Variants in LINGO2 observed in about 807,000 individuals in gnomAD.
LINGO2 encodes the protein leucine-rich repeat and immunoglobulin-like domain-containing nogo receptor-interacting protein 2.
A neutral mutation model predicts 30.6 loss-of-function variants in LINGO2; 14 were observed. That is an observed-to-expected ratio of 0.46 (90% CI 0.30 to 0.72). LINGO2 has a LOEUF of 0.72. Ranked by LOEUF, LINGO2 falls within the 30% of genes least tolerant of loss-of-function variation. The pLI, the probability that LINGO2 is intolerant of heterozygous loss-of-function variation, is 0.07. For missense variants in LINGO2, 729 were observed against 751.7 expected (o/e 0.97, Z 0.35); for synonymous variants, 317 against 288.5 (o/e 1.10, Z -1.00).
rs114403636 is a variant in LINGO2, at chr9:28,067,466, A to G, written c.-86-55061T>C. ...CAAAAAGTTCAGATTTTTGTGCTTT[A>G]ATGGAAGAGTTCCATATCTGGAGTT... On this transcript the variant is annotated intron_variant, in intron 4 of 5. Transcript: ENST00000379992. Among the ~76,000 whole-genome samples, 817 of 152,310 alleles carry G rather than the reference A, an allele frequency of 5.4e-3. 16 individuals are homozygous for G. Among genetic ancestry groups the G allele is most frequent in the South Asian group, 0.051 (244 of 4,826 alleles).
intron 4 of LINGO2, among the ~76,000 whole-genome samples, chr9:28,216,290 G>T (rs929616353): frequency 1.2e-4 from 18 of 151,892 alleles, no homozygotes; most frequent in African/African-American, 4.3e-4. Context: ...TTTCAACTAG[G>T]ATAAAATTTT....
intron 4 of LINGO2, among the ~76,000 whole-genome samples, chr9:28,267,902 A>T (rs770130721): frequency 6.6e-6 from 1 of 152,030 alleles, no homozygotes; most frequent in African/African-American, 2.4e-5. Flanking sequence ...AAAGCTACAT[A>T]TTAATCTCTC....
intron 3 of LINGO2, among the ~76,000 whole-genome samples, chr9:28,360,170 A>C (rs1820384420): frequency 6.6e-6 from 1 of 152,140 alleles, no homozygotes; most frequent in Non-Finnish European, 1.5e-5. Context: ...ACTGCATATA[A>C]TGTATTATTT....
chr9:27,952,429 T>C (rs1819360688), intron 5 of LINGO2, among the ~76,000 whole-genome samples: 1 of 151,936 alleles, frequency 6.6e-6, no homozygotes, highest in Non-Finnish European at 1.5e-5. Context: ...AGAATAATGT[T>C]TTAAGCTTGA....
At chr9:27,996,306 T>A (rs1048589701) in intron 5 of LINGO2, among the ~76,000 whole-genome samples, 36 of 152,056 alleles carry the variant, frequency 2.4e-4, no homozygotes, top group African/African-American at 8.7e-4. Flanking sequence ...AGAAAGAAAA[T>A]CAATGTTTTA....
chr9:28,961,955 G>A, the LINGO2 span, among the ~76,000 whole-genome samples: 22 of 152,060 alleles, frequency 1.4e-4, no homozygotes, highest in Non-Finnish European at 2.5e-4. Flanking sequence ...TGCTATGCCT[G>A]TATCATAACC....
At chr9:29,049,147 T>C in the LINGO2 span, among the ~76,000 whole-genome samples, 1 of 152,094 alleles carries the variant, frequency 6.6e-6, no homozygotes, top group Non-Finnish European at 1.5e-5. Flanking sequence ...CAATAAAAAA[T>C]AGGCAACAGA....
intron 1 of LINGO2, among the ~76,000 whole-genome samples, chr9:28,540,462 A>G (rs1821640651): frequency 6.6e-6 from 1 of 151,958 alleles, no homozygotes; most frequent in African/African-American, 2.4e-5. Context: ...GGGTTTCATT[A>G]TGTTGGCTAG....
intron 4 of LINGO2, among the ~76,000 whole-genome samples, chr9:28,087,720 C>T (rs1036888013): frequency 2.0e-5 from 3 of 151,998 alleles, no homozygotes; most frequent in Non-Finnish European, 4.4e-5. Context: ...GAGCCAAGTA[C>T]ACCAGTGGCC....
the LINGO2 span, among the ~76,000 whole-genome samples, chr9:28,959,612 T>TCTCACACACACACACACACA: frequency 9.1e-5 from 12 of 132,222 alleles, no homozygotes; most frequent in African/African-American, 3.9e-4. Flanking sequence ...TCTCTCTCCC[T>TCTCACACACACACACACACA]CACACACACA....
At chr9:28,311,325 C>G (rs1355094482) in intron 3 of LINGO2, among the ~76,000 whole-genome samples, 1 of 152,018 alleles carries the variant, frequency 6.6e-6, no homozygotes, top group Non-Finnish European at 1.5e-5. Flanking sequence ...AAGTTTTGGG[C>G]ACACATTGTC....
intron 1 of LINGO2, among the ~76,000 whole-genome samples, chr9:28,668,099 A>C (rs1391529096): frequency 6.6e-6 from 1 of 152,164 alleles, no homozygotes; most frequent in Non-Finnish European, 1.5e-5. Flanking sequence ...TTTAGAATTG[A>C]GAAAATAATC....
chr9:28,038,500 C>T (rs375668020), intron 4 of LINGO2, among the ~76,000 whole-genome samples: 1 of 151,964 alleles, frequency 6.6e-6, no homozygotes, highest in Non-Finnish European at 1.5e-5. Context: ...GAGACCATCC[C>T]GGCTAAAACG....
At chr9:28,848,809 G>A in the LINGO2 span, among the ~76,000 whole-genome samples, 5 of 151,802 alleles carry the variant, frequency 3.3e-5, no homozygotes, top group African/African-American at 9.7e-5. Context: ...TTTAAATACA[G>A]CTGTTGAAAC....
the LINGO2 span, among the ~76,000 whole-genome samples, chr9:29,019,747 G>A: frequency 6.6e-6 from 1 of 152,022 alleles, no homozygotes; most frequent in Non-Finnish European, 1.5e-5. Flanking sequence ...ATGCCTTCTG[G>A]AATACAAGAA....
At chr9:28,573,353 A>G (rs1823799065) in intron 1 of LINGO2, among the ~76,000 whole-genome samples, 1 of 152,192 alleles carries the variant, frequency 6.6e-6, no homozygotes, top group Non-Finnish European at 1.5e-5. Context: ...CTAATTGCAT[A>G]TTTAATTATA....
the LINGO2 span, among the ~76,000 whole-genome samples, chr9:28,706,300 A>C: frequency 1.3e-5 from 2 of 152,158 alleles, no homozygotes; most frequent in Non-Finnish European, 2.9e-5. Context: ...TAAACAACAA[A>C]GGCATTGGAA....
At chr9:28,857,390 T>C in the LINGO2 span, among the ~76,000 whole-genome samples, 1 of 152,092 alleles carries the variant, frequency 6.6e-6, no homozygotes, top group Non-Finnish European at 1.5e-5. Context: ...GTATTTCTGT[T>C]CATAACAGCT....
At chr9:28,127,289 G>A (rs1827263606) in intron 4 of LINGO2, among the ~76,000 whole-genome samples, 1 of 152,148 alleles carries the variant, frequency 6.6e-6, no homozygotes, top group South Asian at 2.1e-4. Context: ...GGGCCTTGGA[G>A]TGTTTGCTTT....
Sources: gnomAD v4.1 joint callset for allele counts (sites outside exome capture counted in the v4.1 genomes callset) on GRCh38, gnomAD v4.1.1 for gene constraint, MANE v1.5 for transcripts, NCBI Gene and HGNC (gene_info 2026-07-23, HGNC 2026-07-21) for gene names.